HDAC5: variants seen among roughly 807,000 people sequenced by gnomAD.
HDAC5 encodes antigen NY-CO-9.
Under a neutral mutation model 133.3 loss-of-function variants are expected in HDAC5, and 25 were observed. The observed-to-expected ratio is 0.19, with a 90% CI of 0.14 to 0.26. HDAC5 has a LOEUF of 0.26. Among genes scored for constraint, HDAC5 ranks in the 10% least tolerant of loss-of-function variants. The pLI is 1.00. For synonymous variants in HDAC5, 589 were observed against 610.8 expected, an observed-to-expected ratio of 0.96 and a Z score of 0.53; for missense variants, 1,041 against 1,460.5, an observed-to-expected ratio of 0.71 and a Z score of 4.68.
At position 44,082,837 on chromosome 17, in the gene HDAC5, A is replaced by G; in HGVS notation, c.2464-17T>C. Reference sequence around the variant, plus strand: ...AAATCCATTCTGAAGAGGTGCAGGCAGAGGTGAGGGGCAAGATCCAGGCAG... The same window carrying G: ...AAATCCATTCTGAAGAGGTGCAGGCGGAGGTGAGGGGCAAGATCCAGGCAG... On this transcript the variant is annotated splice_polypyrimidine_tract_variant and intron_variant, in intron 18 of 26. Coordinates refer to ENST00000682912, the MANE Select transcript of HDAC5 (RefSeq NM_005474.5). 3.9e-6 allele frequency: 6 copies of G among 1,552,106 alleles called. No individual in the cohort carries two copies. The highest frequency in any genetic ancestry group is 5.2e-6 in the Non-Finnish European group (6 of 1,147,154).
chr17:44,084,473 C>T, intron 16 of HDAC5, 82 bp downstream of exon 16: 1 of 1,563,468 alleles, frequency 6.4e-7, no homozygotes, highest in Non-Finnish European at 8.7e-7. Context: ...ACCCTCCTAG[C>T]CTGGTCAGGC....
intron 1 of HDAC5, among the ~76,000 whole-genome samples, chr17:44,118,090 T>C (rs575772812): frequency 6.6e-6 from 1 of 152,274 alleles, no homozygotes; most frequent in South Asian, 2.1e-4. Flanking sequence ...AGGGCTGATC[T>C]AGAGTCCCTG....
chr17:44,098,739 T>TTAA (rs1555547157), intron 3 of HDAC5, among the ~76,000 whole-genome samples: 2 of 123,804 alleles, frequency 1.6e-5, no homozygotes, highest in Admixed American at 8.3e-5. Flanking sequence ...AGACCCTATC[T>TTAA]AAAAAAAAAA....
intron 1 of HDAC5, chr17:44,120,172 T>C (rs936438233): frequency 6.6e-6 from 1 of 152,234 alleles, no homozygotes; most frequent in African/African-American, 2.4e-5. Flanking sequence ...GGGCACATGG[T>C]ACAAAGCAAT....
chr17:44,091,892 G>A, intron 9 of HDAC5, 61 bp from the exon 10 acceptor site: 3 of 1,498,538 alleles, frequency 2.0e-6, no homozygotes, highest in Non-Finnish European at 2.7e-6. Context: ...ACAAGGGAGG[G>A]CAACCTGGGG....
chr17:44,093,359 C>G lies in HDAC5; in HGVS notation c.481G>C (p.Glu161Gln). The change falls in exon 5 of 27, where the codon GAG becomes CAG. Residue 161 changes from glutamate to glutamine, a missense_variant. Physicochemically the swap from Glu to Gln is conservative, Grantham distance 29 (BLOSUM62 2). Transcript: ENST00000682912. ...TTCCGCAGGATGAGCAGCTGCTGCT[C>G]CAGCCGCTGCTTCTCCAGCTCTTCC... ...RQEELEKQRLEQQLLILRNKE... is the reference protein window; with the variant it reads ...RQEELEKQRLQQQLLILRNKE... The G allele has an allele frequency of 2.5e-6, 4 of 1,580,648 alleles. No individual in the cohort carries two copies. The highest frequency in any genetic ancestry group is 3.4e-6 in the Non-Finnish European group (4 of 1,167,158).
intron 1 of HDAC5, among the ~76,000 whole-genome samples, chr17:44,118,193 C>G (rs1025757011): frequency 5.3e-5 from 8 of 152,242 alleles, no homozygotes; most frequent in Admixed American, 3.9e-4. Flanking sequence ...CCTTGTGCCA[C>G]CCAGCTCTGG....
chr17:44,095,958 G>C (rs907438720), intron 3 of HDAC5, among the ~76,000 whole-genome samples: 10 of 152,148 alleles, frequency 6.6e-5, no homozygotes, highest in East Asian at 1.9e-4. Flanking sequence ...AATGGGCCGA[G>C]TGGCTCAGGG....
intron 23 of HDAC5, 67 bp from the exon 24 acceptor site, chr17:44,079,344 A>G: frequency 1.3e-6 from 2 of 1,540,726 alleles, no homozygotes; most frequent in East Asian, 4.6e-5. Context: ...AAGAGCCAGT[A>G]AGAGGAGAGA....
intron 19 of HDAC5, 41 bp downstream of exon 19, chr17:44,082,724 G>A (rs1462205793): frequency 6.2e-7 from 1 of 1,609,748 alleles, no homozygotes. Context: ...ACGTTTGCAA[G>A]AGACAGGAAG....
chr17:44,094,187 A>G (rs2051114126), intron 3 of HDAC5, among the ~76,000 whole-genome samples: 1 of 151,980 alleles, frequency 6.6e-6, no homozygotes, highest in African/African-American at 2.4e-5. Flanking sequence ...TTTGGGCGTG[A>G]TGGTGCACAC....
At chr17:44,085,930 CT>C (rs1389715331) in intron 14 of HDAC5, among the ~76,000 whole-genome samples, 1 of 152,222 alleles carries the variant, frequency 6.6e-6, no homozygotes, top group Non-Finnish European at 1.5e-5. Flanking sequence ...GTGTGAGCCA[CT>C]GCACCTGGCC....
chr17:44,081,357 C>T (rs997529104), intron 20 of HDAC5, among the ~76,000 whole-genome samples: 1 of 151,816 alleles, frequency 6.6e-6, no homozygotes, highest in Non-Finnish European at 1.5e-5. Context: ...TCAAGCGATT[C>T]TCCTGCCTCA....
intron 3 of HDAC5, among the ~76,000 whole-genome samples, chr17:44,105,711 G>A (rs947721682): frequency 9.2e-5 from 14 of 152,146 alleles, no homozygotes; most frequent in Non-Finnish European, 7.4e-5. Flanking sequence ...CAGGCGGCTG[G>A]GAGTTGGATT....
chr17:44,108,093 C>T (rs903751670), intron 3 of HDAC5, among the ~76,000 whole-genome samples: 1 of 152,172 alleles, frequency 6.6e-6, no homozygotes, highest in African/African-American at 2.4e-5. Context: ...GCCCACTGTG[C>T]ACTGGGGAGC....
intron 12 of HDAC5, 84 bp downstream of exon 12, chr17:44,088,303 A>G: frequency 6.7e-7 from 1 of 1,493,234 alleles, no homozygotes; most frequent in South Asian, 1.3e-5. Flanking sequence ...GTCTGGCCTG[A>G]AAGGAGGACT....
intron 20 of HDAC5, chr17:44,081,524 A>T (rs1483629225): frequency 6.6e-6 from 1 of 150,500 alleles, no homozygotes; most frequent in African/African-American, 2.4e-5. Context: ...AAGTGCTGGG[A>T]TTACAGGCAT....
chr17:44,083,080 A>G (rs927521020), intron 18 of HDAC5, among the ~76,000 whole-genome samples: 3 of 152,100 alleles, frequency 2.0e-5, no homozygotes, highest in African/African-American at 7.2e-5. Flanking sequence ...CCAGGCTCAG[A>G]CAATCCTTCC....
chr17:44,098,915 A>G (rs1039421384), intron 3 of HDAC5, among the ~76,000 whole-genome samples: 2 of 151,808 alleles, frequency 1.3e-5, no homozygotes, highest in African/African-American at 4.8e-5. Flanking sequence ...TCAGGAGTTC[A>G]AGACCAGCCT....
Sources: gnomAD v4.1 joint callset for allele counts (sites outside exome capture counted in the v4.1 genomes callset) on GRCh38, gnomAD v4.1.1 for gene constraint, MANE v1.5 for transcripts, NCBI Gene and HGNC (gene_info 2026-07-23, HGNC 2026-07-21) for gene names.